The following RAI14 variants were observed in gnomAD, a reference collection of about 807,000 sequenced individuals.
The protein encoded by RAI14 is retinoic acid induced 14.
A neutral mutation model predicts 115.4 loss-of-function variants in RAI14; 45 were observed. The ratio of observed to expected loss-of-function variants is 0.39; its 90% CI spans 0.31 to 0.50. The LOEUF is 0.50. RAI14 is among the 20% of genes least tolerant of loss of function. RAI14 has a pLI of 0.85. For synonymous variants in RAI14, 371 were observed against 415.4 expected, an observed-to-expected ratio of 0.89 and a Z score of 1.30; for missense variants, 939 against 1,131.2, an observed-to-expected ratio of 0.83 and a Z score of 2.44.
intron 2 of RAI14, among the ~76,000 whole-genome samples, chr5:34,754,810 T>C (rs540130086): frequency 5.9e-5 from 9 of 152,272 alleles, no homozygotes; most frequent in South Asian, 2.1e-4. Flanking sequence ...CTGAACTCCC[T>C]TAAAGATCCA....
intron 10 of RAI14, 151 bp downstream of exon 10, chr5:34,812,359 T>C (rs1172690924): frequency 4.7e-6 from 4 of 847,316 alleles, no homozygotes; most frequent in Non-Finnish European, 5.4e-6. Flanking sequence ...AAATAAGTCA[T>C]TGTTATAAGG....
intron 1 of RAI14, among the ~76,000 whole-genome samples, chr5:34,665,009 A>ATATATGTG (rs1561220443): frequency 1.4e-5 from 1 of 73,914 alleles, no homozygotes; most frequent in Non-Finnish European, 2.8e-5. Context: ...ATGTGTATAT[A>ATATATGTG]TATATATATG....
chr5:34,808,577 C>A lies in RAI14; in HGVS notation c.380-7C>A, dbSNP rs778389034. The A allele has an allele frequency of 1.9e-6, 3 of 1,613,522 alleles. No individual in the cohort carries two copies. Among genetic ancestry groups the A allele is most frequent in the East Asian group, 4.5e-5 (2 of 44,874 alleles). ...TGGCTGTGGTATTTATATTTTCCTT[C>A]CCCCAGCGGCTCAGGGCTGCCTTCA... On this transcript the variant is annotated splice_region_variant and splice_polypyrimidine_tract_variant and intron_variant, in intron 6 of 17. Coordinates refer to ENST00000265109, the MANE Select transcript of RAI14 (RefSeq NM_015577.3).
In RAI14 at chr5:34,743,304, G is replaced by T. The variant is rs148488785; in HGVS notation, c.37-14164G>T. The stretch of plus-strand genomic sequence containing the variant: ...GTTCCATGTCTGTCTCCTGGTTCTG[G>T]TGGTTGCCAGCAATCCTTGGTTCCT... On this transcript the variant is annotated intron_variant, in intron 2 of 17. Transcript: ENST00000265109. Among the ~76,000 whole-genome samples, 253 of 152,232 alleles carry T rather than the reference G, an allele frequency of 1.7e-3. 1 individual carries two copies. Among genetic ancestry groups the T allele is most frequent in the African/African-American group, 5.7e-3 (237 of 41,536 alleles).
chr5:34,790,002 G>T (rs866717702), intron 3 of RAI14, among the ~76,000 whole-genome samples: 2 of 152,164 alleles, frequency 1.3e-5, no homozygotes, highest in African/African-American at 4.8e-5. Flanking sequence ...AAGCTATAAG[G>T]TTGGAAGCTT....
chr5:34,798,270 C>G (rs907580928), intron 4 of RAI14, among the ~76,000 whole-genome samples: 3 of 151,844 alleles, frequency 2.0e-5, no homozygotes, highest in Non-Finnish European at 4.4e-5. Context: ...AACTCCTGAC[C>G]TCAGGTGATC....
chr5:34,762,973 GTGTA>G (rs1485638504), intron 3 of RAI14, among the ~76,000 whole-genome samples: 37 of 122,392 alleles, frequency 3.0e-4, no homozygotes, highest in Middle Eastern at 4.1e-3. Flanking sequence ...GTGTGTGTGT[GTGTA>G]TGTGTCTGTA....
intron 3 of RAI14, among the ~76,000 whole-genome samples, chr5:34,773,625 T>C (rs181827226): frequency 1.2e-4 from 19 of 152,004 alleles, no homozygotes; most frequent in African/African-American, 4.3e-4. Context: ...AAAAAAGACA[T>C]ACAAATGGCC....
In RAI14 at chr5:34,665,964, C is replaced by A. The variant is rs1036302351; in HGVS notation, c.-49+9489C>A. 2.6e-5 allele frequency among the ~76,000 whole-genome samples: 4 copies of A among 152,294 alleles called. No individual in the cohort carries two copies. The East Asian group carries it at 7.7e-4, about 29-fold the overall frequency. On this transcript the variant is annotated intron_variant, in intron 1 of 17. Coordinates refer to ENST00000265109, the MANE Select transcript of RAI14 (RefSeq NM_015577.3). ...ACATACTATTGACCATTTTTAGGAT[C>A]TATTTCTATTGGATGTAATAAAATG...
intron 3 of RAI14, among the ~76,000 whole-genome samples, chr5:34,763,185 A>G (rs549098511): frequency 9.9e-5 from 15 of 152,116 alleles, no homozygotes; most frequent in Non-Finnish European, 1.6e-4. Flanking sequence ...TTTTCTCAGT[A>G]TAGGGATGTA....
At chr5:34,762,534 TA>T (rs372822408) in intron 3 of RAI14, among the ~76,000 whole-genome samples, 5 of 151,158 alleles carry the variant, frequency 3.3e-5, no homozygotes, top group South Asian at 2.1e-4. Flanking sequence ...AAAGAGGGGT[TA>T]AAAAAAAAGT....
chr5:34,803,079 G>A (rs1754464959), intron 4 of RAI14, among the ~76,000 whole-genome samples: 1 of 152,158 alleles, frequency 6.6e-6, no homozygotes, highest in Admixed American at 6.5e-5. Flanking sequence ...AGGATGTTTG[G>A]CAAACATATT....
At chr5:34,734,550 A>T (rs1277726159) in intron 2 of RAI14, among the ~76,000 whole-genome samples, 10 of 152,180 alleles carry the variant, frequency 6.6e-5, no homozygotes, top group Admixed American at 2.0e-4. Flanking sequence ...AAGGATTTCT[A>T]TTGAATGATG....
chr5:34,807,940 C>T, intron 6 of RAI14, 83 bp downstream of exon 6: 1 of 1,025,896 alleles, frequency 9.7e-7, no homozygotes, highest in Non-Finnish European at 1.5e-6. Flanking sequence ...ATTAACCTTC[C>T]ATACTATTCC....
Position 34,823,617 on chromosome 5 carries a change from A to C in RAI14, c.1775A>C (p.Lys592Thr), listed in dbSNP as rs1174338142. The change falls in exon 15 of 18, where the codon AAG (lysine) becomes ACG (threonine). Residue 592 changes from lysine to threonine, a missense_variant. By Grantham distance (78) the Lys-to-Thr change is moderately conservative. Coordinates refer to ENST00000265109, the MANE Select transcript of RAI14 (RefSeq NM_015577.3). This position sits in a 1 kb window ranked among gnomAD's most constrained non-coding sequence, Gnocchi z 4.5. ...SYCSVIENMN[K>T]EKAFLFEKYQ... The stretch of plus-strand genomic sequence containing the variant: ...TGCTCTGTTATTGAGAATATGAATA[A>C]GGAGAAAGCATTTTTGTTTGAGAAA... 3 of 1,614,090 alleles carry C rather than the reference A, an allele frequency of 1.9e-6. No individual in the cohort carries two copies. Among genetic ancestry groups the C allele is most frequent in the Non-Finnish European group, 2.5e-6 (3 of 1,180,020 alleles).
chr5:34,777,848 A>G (rs1432720100), intron 3 of RAI14, among the ~76,000 whole-genome samples: 2 of 147,104 alleles, frequency 1.4e-5, no homozygotes, highest in Admixed American at 6.9e-5. Context: ...ATATTAGAGC[A>G]TGGGACAGGT....
At chr5:34,771,661 T>C (rs928661030) in intron 3 of RAI14, among the ~76,000 whole-genome samples, 2 of 152,182 alleles carry the variant, frequency 1.3e-5, no homozygotes, top group Non-Finnish European at 2.9e-5. Context: ...GGTATTTATT[T>C]TGGGAAGGTT....
intron 13 of RAI14, among the ~76,000 whole-genome samples, chr5:34,820,461 A>C (rs1387897591): frequency 6.6e-6 from 1 of 152,188 alleles, no homozygotes; most frequent in Non-Finnish European, 1.5e-5. Context: ...TTGAGATTTT[A>C]TGTAATAGTT....
intron 2 of RAI14, among the ~76,000 whole-genome samples, chr5:34,740,855 G>C (rs373523407): frequency 2.6e-5 from 4 of 152,206 alleles, no homozygotes; most frequent in East Asian, 3.9e-4. Flanking sequence ...TGGAGTGTAG[G>C]AAGGCTATAA....
Sources: gnomAD v4.1 joint callset for allele counts (sites outside exome capture counted in the v4.1 genomes callset) on GRCh38, gnomAD v4.1.1 for gene constraint, Gnocchi (gnomAD v3.1) non-coding constraint, MANE v1.5 for transcripts, NCBI Gene and HGNC (gene_info 2026-07-23, HGNC 2026-07-21) for gene names.